The following ZGRF1 variants were observed in gnomAD, a reference collection of about 807,000 sequenced individuals.
ZGRF1 encodes the protein zinc finger GRF-type containing 1.
A neutral mutation model predicts 203.5 loss-of-function variants in ZGRF1; 196 were observed. The ratio of observed to expected loss-of-function variants is 0.96; its 90% confidence interval spans 0.86 to 1.08. The LOEUF is 1.08. Ranked by LOEUF, ZGRF1 falls within the 50% of genes least tolerant of loss-of-function variation. ZGRF1 has a pLI of 0.00. For missense variants in ZGRF1, 2,326 were observed against 2,416.3 expected (o/e 0.96, Z 0.78); for synonymous variants, 809 against 841.3 (o/e 0.96, Z 0.66).
At chr4:112,609,353 G>C (rs762240089) in intron 8 of ZGRF1, 26 bp downstream of exon 8, 2 of 1,450,602 alleles carry the variant, frequency 1.4e-6, no homozygotes, top group South Asian at 2.6e-5. Flanking sequence ...ATGCCCAGGG[G>C]CTAATTTATA....
At chr4:112,548,212 A>G (rs921758015) in intron 23 of ZGRF1, 41 bp downstream of exon 23, 1 of 1,546,470 alleles carries the variant, frequency 6.5e-7, no homozygotes, top group African/African-American at 1.4e-5. Context: ...AAGTGCTAGG[A>G]TTACAGGTAT....
At chr4:112,592,756 T>A (rs897031154) in intron 10 of ZGRF1, among the ~76,000 whole-genome samples, 1 of 152,340 alleles carries the variant, frequency 6.6e-6, no homozygotes, top group East Asian at 1.9e-4. Context: ...TATTCTTATG[T>A]ATTCACCAAA....
chr4:112,604,663 G>A (rs953195814), intron 9 of ZGRF1, among the ~76,000 whole-genome samples: 1 of 152,182 alleles, frequency 6.6e-6, no homozygotes, highest in African/African-American at 2.4e-5. Flanking sequence ...CCTCTCAGTA[G>A]AAAGATGTGA....
At position 112,597,851 on chromosome 4, in the gene ZGRF1, T is replaced by C. The variant is rs1013407543; in HGVS notation, c.2976+5673A>G. 2.1e-5 allele frequency among the ~76,000 whole-genome samples: 3 copies of C among 145,334 alleles called. No homozygotes were observed. The South Asian group carries it at 6.4e-4, about 31-fold the overall frequency. On this transcript the variant is annotated intron_variant, in intron 10 of 27. Transcript: ENST00000505019. ...GTGAGCCGAGATCGTGCCACTTCAC[T>C]CCGGCCTGGGTGACAGAGCCAGACT...
intron 1 of ZGRF1, among the ~76,000 whole-genome samples, chr4:112,634,309 A>G (rs1380340597): frequency 6.6e-6 from 1 of 152,184 alleles, no homozygotes; most frequent in Non-Finnish European, 1.5e-5. Context: ...TCTTCAAGGA[A>G]GTAAAGTCTA....
rs755036099 is a variant in ZGRF1 at position 112,618,673 on chromosome 4, C to T, written c.1369G>A (p.Glu457Lys). 2 of 1,612,944 alleles carry T rather than the reference C, an allele frequency of 1.2e-6. No homozygotes were observed. The highest frequency in any genetic ancestry group is 1.3e-5 in the African/African-American group (1 of 75,028). The change falls in exon 6 of 28, where the codon GAA (glutamate) becomes AAA (lysine). Residue 457 changes from glutamate to lysine, a missense_variant. Physicochemically the swap from Glu to Lys is moderately conservative, Grantham distance 56. Transcript: ENST00000505019. ...GCIKGSVLIK[E>K]NAQEVNTCGT... ...CATGTATTTACCTCCTGAGCATTTT[C>T]TTTAATGAGAACTGATCCTTTAATG...
intron 10 of ZGRF1, among the ~76,000 whole-genome samples, chr4:112,600,297 G>A (rs1749739077): frequency 6.6e-6 from 1 of 152,144 alleles, no homozygotes; most frequent in Non-Finnish European, 1.5e-5. Flanking sequence ...GGCTCCTGAA[G>A]TGCTGGGATT....
chr4:112,585,520 G>C (rs769081962), intron 14 of ZGRF1, 21 bp downstream of exon 14: 3 of 1,593,734 alleles, frequency 1.9e-6, no homozygotes, highest in Non-Finnish European at 1.7e-6. Context: ...GGTATGGTAG[G>C]GGGAGGGGAA....
At chr4:112,554,035 A>G in intron 21 of ZGRF1, 53 bp from the exon 22 acceptor site, 1 of 1,468,958 alleles carries the variant, frequency 6.8e-7, no homozygotes, top group Non-Finnish European at 9.2e-7. Context: ...ATAACATCAC[A>G]GTAAAGCAAA....
Position 112,548,836 on chromosome 4 carries a change from C to A in ZGRF1, c.5347-456G>T, listed in dbSNP as rs201946285. Among the ~76,000 whole-genome samples, 4 of 25,850 alleles carry A rather than the reference C, an allele frequency of 1.5e-4. 1 individual carries two copies. Among genetic ancestry groups the A allele is most frequent in the African/African-American group, 6.2e-4 (4 of 6,478 alleles). 17.0% of individuals were successfully genotyped at this position (25,850 alleles called of 152,430 possible). A position where few individuals can be genotyped will look rare whatever the true frequency, so the allele number is the denominator to read the frequency against. On this transcript the variant is annotated intron_variant, in intron 22 of 27. Coordinates refer to ENST00000505019, the MANE Select transcript of ZGRF1 (RefSeq NM_018392.5). The stretch of plus-strand genomic sequence containing the variant: ...ATTTATTTAAAAATGTAAAGATGGC[C>A]GGGCGCGGTGGCTCACGCCTGTAAT...
chr4:112,617,473 G>A lies in ZGRF1; in HGVS notation c.2569C>T (p.Gln857Ter), dbSNP rs1344430831. The change falls in exon 6 of 28, where the codon CAA (glutamine) becomes TAA (stop). Residue 857 changes from glutamine to a stop codon, truncating the protein, a stop_gained. Transcript: ENST00000505019. LOFTEE classifies it high-confidence loss of function. The stretch of plus-strand genomic sequence containing the variant: ...GGGCTATCTGGCTCATACGTCTGTT[G>A]AGTTCCTTGCTGAAAGACAGTATTT... ...KKNTVFQQGT[Q>*]QTYEPDSPPE... 6.3e-7 allele frequency: 1 copy of A among 1,581,334 alleles called. No homozygotes were observed. The highest frequency in any genetic ancestry group is 1.2e-5 in the South Asian group (1 of 84,412).
At chr4:112,612,861 C>A (rs1395465650) in intron 6 of ZGRF1, among the ~76,000 whole-genome samples, 1 of 152,106 alleles carries the variant, frequency 6.6e-6, no homozygotes, top group African/African-American at 2.4e-5. Flanking sequence ...TCCTTGTACT[C>A]CTTTTTTACA....
At chr4:112,568,691 A>G (rs1477185583) in intron 16 of ZGRF1, among the ~76,000 whole-genome samples, 2 of 133,300 alleles carry the variant, frequency 1.5e-5, no homozygotes, top group Non-Finnish European at 3.2e-5. Flanking sequence ...AGCCCGGGTG[A>G]CGAGAGTGAA....
chr4:112,543,538 A>G (rs1161556195), intron 24 of ZGRF1, among the ~76,000 whole-genome samples: 1 of 152,160 alleles, frequency 6.6e-6, no homozygotes, highest in East Asian at 1.9e-4. Context: ...GAATTCCCCC[A>G]AATAAAAACC....
At chr4:112,598,528 G>C (rs1036051689) in intron 10 of ZGRF1, among the ~76,000 whole-genome samples, 1 of 151,598 alleles carries the variant, frequency 6.6e-6, no homozygotes, top group Non-Finnish European at 1.5e-5. Context: ...TATAAAGGAG[G>C]GATTCAGAAA....
chr4:112,597,823 G>A (rs1451484995), intron 10 of ZGRF1, among the ~76,000 whole-genome samples: 1 of 151,364 alleles, frequency 6.6e-6, no homozygotes, highest in Non-Finnish European at 1.5e-5. Context: ...GACAGAGGTT[G>A]CAGTGAGCCG....
rs1739170488 is a variant in ZGRF1, at chr4:112,548,125, G to A, written c.5474+128C>T. On this transcript the variant is annotated intron_variant, in intron 23 of 27. Coordinates refer to ENST00000505019, the MANE Select transcript of ZGRF1 (RefSeq NM_018392.5). Reference sequence around the variant, plus strand: ...CCCAGCTAATTTTGTATTTTTTGTAGAAATGGGGATTCGCCATGTTGTCCA... The same window carrying A: ...CCCAGCTAATTTTGTATTTTTTGTAAAAATGGGGATTCGCCATGTTGTCCA... 4 of 736,460 alleles carry A rather than the reference G, an allele frequency of 5.4e-6. No individual in the cohort carries two copies. In the African/African-American group the frequency reaches 7.1e-5, roughly 13 times the overall value. The allele number at this position is 736,460 out of a possible 1,614,324, so 45.6% of individuals were successfully genotyped here. A position where few individuals can be genotyped will look rare whatever the true frequency, so the allele number is the denominator to read the frequency against.
chr4:112,623,694 C>G (rs988898800), intron 4 of ZGRF1, 123 bp downstream of exon 4: 1 of 610,956 alleles, frequency 1.6e-6, no homozygotes, highest in African/African-American at 1.9e-5. Flanking sequence ...CAAAGTCTAG[C>G]TATAATGTTC....
In ZGRF1 at chr4:112,603,481, A is replaced by C. The variant is rs759792651; in HGVS notation, c.2976+43T>G. ...TTTCACAAAATGTAGTATTAACATAAAGAAAATGATTTGGCAAAATGCAAC... is the reference window on the plus strand; with the variant it reads ...TTTCACAAAATGTAGTATTAACATACAGAAAATGATTTGGCAAAATGCAAC... On this transcript the variant is annotated intron_variant, in intron 10 of 27. Coordinates refer to ENST00000505019, the MANE Select transcript of ZGRF1 (RefSeq NM_018392.5). 4 of 1,437,076 alleles carry C rather than the reference A, an allele frequency of 2.8e-6. No homozygotes were observed. In the South Asian group the frequency reaches 4.9e-5, roughly 17 times the overall value. The allele number at this position is 1,437,076 out of a possible 1,614,324, so 89.0% of individuals were successfully genotyped here.
Sources: allele counts gnomAD v4.1 joint callset (sites outside exome capture counted in the v4.1 genomes callset), GRCh38; gene constraint gnomAD v4.1.1; transcripts MANE v1.5; gene names NCBI Gene and HGNC (gene_info 2026-07-23, HGNC 2026-07-21).